Variants in MYOZ2 observed in about 807,000 individuals in gnomAD.
MYOZ2 encodes myozenin-2.
Under a neutral mutation model 25.4 loss-of-function variants are expected in MYOZ2, and 19 were observed. That is an observed-to-expected ratio of 0.75 (90% confidence interval 0.52 to 1.10). The LOEUF (loss-of-function observed/expected upper bound fraction) is 1.10. MYOZ2 is among the 50% of genes least tolerant of loss of function. The pLI is 0.00. For synonymous variants in MYOZ2, 92 were observed against 106.9 expected (o/e 0.86, Z 0.86); for missense variants, 270 against 317.9 (o/e 0.85, Z 1.15).
At chr4:119,169,893 C>T (rs572861982) in intron 5 of MYOZ2, among the ~76,000 whole-genome samples, 22 of 152,222 alleles carry the variant, frequency 1.4e-4, no homozygotes, top group African/African-American at 4.1e-4. Context: ...TCAAACTGCC[C>T]GCTCTGACAA....
At chr4:119,155,752 T>C (rs1741557977) in intron 3 of MYOZ2, among the ~76,000 whole-genome samples, 1 of 152,206 alleles carries the variant, frequency 6.6e-6, no homozygotes. Context: ...AGTAATGCCA[T>C]ACCAGCATTT....
chr4:119,182,682 A>G (rs1742208581), intron 5 of MYOZ2, among the ~76,000 whole-genome samples: 2 of 152,148 alleles, frequency 1.3e-5, no homozygotes. Context: ...TTGCACTCCT[A>G]TGAGAATCTA....
intron 4 of MYOZ2, among the ~76,000 whole-genome samples, chr4:119,159,425 A>G (rs1741656814): frequency 6.6e-6 from 1 of 152,172 alleles, no homozygotes; most frequent in South Asian, 2.1e-4. Context: ...TTTGTTTATC[A>G]TTTTAAAAGA....
chr4:119,145,484 C>A (rs4441740), intron 2 of MYOZ2, among the ~76,000 whole-genome samples: 14 of 150,076 alleles, frequency 9.3e-5, no homozygotes, highest in African/African-American at 3.2e-4. Flanking sequence ...TGGGACCAAC[C>A]CACCACCATG....
chr4:119,142,900 G>A (rs1278753458), intron 2 of MYOZ2, among the ~76,000 whole-genome samples: 1 of 152,128 alleles, frequency 6.6e-6, no homozygotes, highest in African/African-American at 2.4e-5. Context: ...ATTGATAACT[G>A]TTGCACTCCA....
At chr4:119,150,469 A>G (rs1042868747) in intron 2 of MYOZ2, among the ~76,000 whole-genome samples, 1 of 150,720 alleles carries the variant, frequency 6.6e-6, no homozygotes. Flanking sequence ...TAGGCATTTC[A>G]GTAGGGGGAT....
chr4:119,179,699 T>C (rs1480300977), intron 5 of MYOZ2, among the ~76,000 whole-genome samples: 1 of 152,212 alleles, frequency 6.6e-6, no homozygotes, highest in Non-Finnish European at 1.5e-5. Context: ...CAGAAATTTA[T>C]TTCCTCACAG....
chr4:119,141,193 G>A (rs1741151628), intron 2 of MYOZ2, among the ~76,000 whole-genome samples: 1 of 152,152 alleles, frequency 6.6e-6, no homozygotes, highest in African/African-American at 2.4e-5. Context: ...ATAAGCTTCA[G>A]CTAGCTACCC....
intron 5 of MYOZ2, among the ~76,000 whole-genome samples, chr4:119,174,811 C>T (rs544024576): frequency 6.6e-6 from 1 of 152,252 alleles, no homozygotes; most frequent in East Asian, 1.9e-4. Context: ...CTTGCTACTG[C>T]TCACTTTTTG....
intron 5 of MYOZ2, 66 bp downstream of exon 5, chr4:119,164,460 A>G (rs1741779695): frequency 6.5e-7 from 1 of 1,527,498 alleles, no homozygotes; most frequent in Non-Finnish European, 9.0e-7. Context: ...CATGGTACAG[A>G]TAACTGAATT....
chr4:119,161,169 A>G (rs996872197), intron 4 of MYOZ2, among the ~76,000 whole-genome samples: 6 of 152,272 alleles, frequency 3.9e-5, no homozygotes, highest in African/African-American at 1.4e-4. Flanking sequence ...AGAAATTTTT[A>G]AAGCACTAAT....
intron 5 of MYOZ2, among the ~76,000 whole-genome samples, chr4:119,168,713 A>C (rs1017064829): frequency 4.8e-5 from 7 of 147,002 alleles, no homozygotes; most frequent in South Asian, 2.1e-4. Flanking sequence ...ACAACAACAA[A>C]AAACCACCTG....
intron 2 of MYOZ2, among the ~76,000 whole-genome samples, chr4:119,142,825 G>A (rs989441836): frequency 2.6e-5 from 4 of 152,136 alleles, no homozygotes; most frequent in Non-Finnish European, 4.4e-5. Context: ...CTTCTTCCCC[G>A]CTGCTGTTTC....
At chr4:119,143,915 T>A (rs900133251) in intron 2 of MYOZ2, among the ~76,000 whole-genome samples, 3 of 152,220 alleles carry the variant, frequency 2.0e-5, no homozygotes, top group Non-Finnish European at 2.9e-5. Flanking sequence ...GAGTTTTTTT[T>A]AGATAATCAT....
intron 5 of MYOZ2, among the ~76,000 whole-genome samples, chr4:119,185,336 G>A (rs1742269521): frequency 6.6e-6 from 1 of 151,238 alleles, no homozygotes. Context: ...TTTCTTTTTA[G>A]ACAGGTTTCA....
At chr4:119,179,411 C>T (rs962249201) in intron 5 of MYOZ2, among the ~76,000 whole-genome samples, 1 of 152,194 alleles carries the variant, frequency 6.6e-6, no homozygotes. Context: ...AAATAGTACT[C>T]TTTCTCCTGG....
In MYOZ2 at chr4:119,139,946, G is replaced by GTT. The variant is rs5861414; in HGVS notation, c.76+3351_76+3352dup. On this transcript the variant is annotated intron_variant, in intron 2 of 5. Coordinates refer to ENST00000307128, the MANE Select transcript of MYOZ2 (RefSeq NM_016599.5). ...CACACTGAAGAGAACTGGGCAGGTTGTTTTTTTAACTTCAGGAAGAGAGCT... is the reference window on the plus strand; with the variant it reads ...CACACTGAAGAGAACTGGGCAGGTTGTTTTTTTTTAACTTCAGGAAGAGAGCT... Among the ~76,000 whole-genome samples the GTT allele has an allele frequency of 1.1e-4, 16 of 151,780 alleles. No individual in the cohort carries two copies. In the East Asian group the frequency reaches 2.1e-3, roughly 20 times the overall value.
At position 119,164,293 on chromosome 4, in the gene MYOZ2, A is replaced by G. The variant is rs7687613; in HGVS notation, c.459A>G (p.Glu153=). The stretch of plus-strand genomic sequence containing the variant: ...CTAAGTACTATCAATCTCCCTGGGA[A>G]CAAGCCATTAGCAATGATCCGGAGC... ...AVPKYYQSPW[E]QAISNDPELL... Residue 153 remains glutamate, a synonymous_variant, in exon 5 of 6, where the codon GAA becomes GAG. Coordinates refer to ENST00000307128, the MANE Select transcript of MYOZ2 (RefSeq NM_016599.5). 58,176 of 1,613,936 alleles carry G rather than the reference A, an allele frequency of 0.036. 2,008 individuals carry two copies. The highest frequency in any genetic ancestry group is 0.18 in the African/African-American group (13,137 of 75,008).
At chr4:119,137,157 G>A (rs989216949) in intron 2 of MYOZ2, among the ~76,000 whole-genome samples, 10 of 151,788 alleles carry the variant, frequency 6.6e-5, no homozygotes, top group African/African-American at 1.9e-4. Flanking sequence ...ACTTTTATTT[G>A]TAACTTCTGA....
Sources: gnomAD v4.1 joint callset for allele counts (sites outside exome capture counted in the v4.1 genomes callset) on GRCh38, gnomAD v4.1.1 for gene constraint, MANE v1.5 for transcripts, NCBI Gene and HGNC (gene_info 2026-07-23, HGNC 2026-07-21) for gene names.